The following GRM8 variants were observed in gnomAD, a reference collection of about 807,000 sequenced individuals.
The protein encoded by GRM8 is glutamate metabotropic receptor 8.
GRM8 carries 47 observed loss-of-function variants against 87.2 expected under a neutral mutation model. The ratio of observed to expected loss-of-function variants is 0.54; its 90% CI spans 0.43 to 0.69. GRM8 has a LOEUF of 0.69. Ranked by LOEUF, GRM8 falls within the 30% of genes least tolerant of loss-of-function variation. The pLI is 0.00. For missense variants in GRM8, 1,019 were observed against 1,139.2 expected, an observed-to-expected ratio of 0.89 and a Z score of 1.52; for synonymous variants, 396 against 404.5, an observed-to-expected ratio of 0.98 and a Z score of 0.25.
At chr7:126,717,421 G>C (rs939167170) in intron 7 of GRM8, among the ~76,000 whole-genome samples, 1 of 152,104 alleles carries the variant, frequency 6.6e-6, no homozygotes, top group East Asian at 1.9e-4. Flanking sequence ...GGGCTCACCA[G>C]ACACAGCCAT....
intron 6 of GRM8, among the ~76,000 whole-genome samples, chr7:126,829,727 G>T (rs1480848018): frequency 1.3e-5 from 2 of 151,782 alleles, no homozygotes; most frequent in Non-Finnish European, 2.9e-5. Context: ...TGTTATATGT[G>T]AATTTGATCC....
intron 7 of GRM8, among the ~76,000 whole-genome samples, chr7:126,702,314 G>A (rs1234479168): frequency 6.6e-6 from 1 of 151,942 alleles, no homozygotes; most frequent in Non-Finnish European, 1.5e-5. Flanking sequence ...AATGAGGGGA[G>A]GCCTTCTGGC....
intron 2 of GRM8, among the ~76,000 whole-genome samples, chr7:127,223,947 C>A: frequency 7.1e-6 from 1 of 141,078 alleles, no homozygotes; most frequent in African/African-American, 2.6e-5. Flanking sequence ...TGGATGGGTT[C>A]AATAGCAGAA....
At chr7:127,034,404 A>G (rs1817660691) in intron 3 of GRM8, among the ~76,000 whole-genome samples, 1 of 152,198 alleles carries the variant, frequency 6.6e-6, no homozygotes. Context: ...ATAAAAGCCC[A>G]TATTACAGAC....
intron 7 of GRM8, among the ~76,000 whole-genome samples, chr7:126,622,943 G>A (rs1585259821): frequency 6.6e-6 from 1 of 152,050 alleles, no homozygotes; most frequent in Admixed American, 6.6e-5. Flanking sequence ...CCAATTATCT[G>A]TATCTCCACG....
chr7:126,790,945 C>A (rs10248154), intron 6 of GRM8, among the ~76,000 whole-genome samples: 2,890 of 152,128 alleles, frequency 0.019, 96 homozygotes, highest in African/African-American at 0.066. Flanking sequence ...GTCTTTCCTG[C>A]GGGGCAGTTG....
In GRM8 at chr7:126,989,067, A is replaced by C. The variant is rs529784039; in HGVS notation, c.728-84384T>G. Among the ~76,000 whole-genome samples, 53 of 152,298 alleles carry C rather than the reference A, an allele frequency of 3.5e-4. 3 individuals are homozygous for C. In the South Asian group the frequency reaches 0.011, roughly 31 times the overall value. On this transcript the variant is annotated intron_variant, in intron 3 of 10. Transcript: ENST00000339582. The stretch of plus-strand genomic sequence containing the variant: ...ACTTCTCCCAAACATATAAAACTAT[A>C]TCCCATCTGTAAAAATTTCCAGAGG...
intron 8 of GRM8, among the ~76,000 whole-genome samples, chr7:126,597,523 C>A (rs1474931947): frequency 6.6e-6 from 1 of 151,966 alleles, no homozygotes; most frequent in East Asian, 1.9e-4. Flanking sequence ...TGTTTATAAC[C>A]TTATTTTAAC....
chr7:126,453,830 A>C (rs1802918540), intron 9 of GRM8, among the ~76,000 whole-genome samples: 1 of 151,770 alleles, frequency 6.6e-6, no homozygotes, highest in African/African-American at 2.4e-5. Flanking sequence ...AAATATAGTA[A>C]ATAAGTAAAC....
intron 7 of GRM8, among the ~76,000 whole-genome samples, chr7:126,658,700 T>A (rs989603332): frequency 6.6e-6 from 1 of 151,640 alleles, no homozygotes; most frequent in Admixed American, 6.6e-5. Context: ...GTATGTGCTC[T>A]AAGGAACTGG....
chr7:126,722,727 C>T (rs1434975810), intron 7 of GRM8, among the ~76,000 whole-genome samples: 1 of 151,600 alleles, frequency 6.6e-6, no homozygotes, highest in Non-Finnish European at 1.5e-5. Flanking sequence ...AGTCTTCTTA[C>T]GTATCACAAT....
At chr7:127,109,724 T>A (rs1171381440) in intron 2 of GRM8, among the ~76,000 whole-genome samples, 1 of 152,160 alleles carries the variant, frequency 6.6e-6, no homozygotes, top group Non-Finnish European at 1.5e-5. Flanking sequence ...TTATTTGGCA[T>A]CCCCAACACC....
chr7:127,219,233 A>G (rs1032924655), intron 2 of GRM8, among the ~76,000 whole-genome samples: 2 of 152,158 alleles, frequency 1.3e-5, no homozygotes, highest in African/African-American at 4.8e-5. Flanking sequence ...ATCTCAGCCA[A>G]GGAAGGAAGC....
At chr7:126,742,421 C>T (rs1236564346) in intron 7 of GRM8, among the ~76,000 whole-genome samples, 2 of 151,874 alleles carry the variant, frequency 1.3e-5, no homozygotes, top group Non-Finnish European at 2.9e-5. Context: ...CAACAGTATC[C>T]TATTTCCTTT....
chr7:126,744,661 C>A (rs1253975541), intron 7 of GRM8, among the ~76,000 whole-genome samples: 1 of 151,966 alleles, frequency 6.6e-6, no homozygotes, highest in Admixed American at 6.6e-5. Context: ...TGAAATTAAT[C>A]TTTATCAAAC....
At chr7:126,775,038 T>A (rs1819260996) in intron 6 of GRM8, among the ~76,000 whole-genome samples, 1 of 152,130 alleles carries the variant, frequency 6.6e-6, no homozygotes, top group Non-Finnish European at 1.5e-5. Context: ...AAATCAAACA[T>A]CCAATTGGTT....
chr7:126,585,625 C>A (rs1796033325), intron 8 of GRM8, among the ~76,000 whole-genome samples: 1 of 152,128 alleles, frequency 6.6e-6, no homozygotes, highest in Non-Finnish European at 1.5e-5. Flanking sequence ...TGAAAAAATT[C>A]AACAGCCCTT....
intron 8 of GRM8, among the ~76,000 whole-genome samples, chr7:126,606,607 T>C (rs1798376109): frequency 6.6e-6 from 1 of 152,204 alleles, no homozygotes; most frequent in Non-Finnish European, 1.5e-5. Context: ...TTTGTCCTGA[T>C]AATCCTCAGA....
chr7:126,489,920 C>A (rs2237732), intron 9 of GRM8, among the ~76,000 whole-genome samples: 3 of 151,776 alleles, frequency 2.0e-5, no homozygotes, highest in Non-Finnish European at 4.4e-5. Flanking sequence ...ATTCCTCCCC[C>A]TCCCCCACCA....
Sources: allele counts gnomAD v4.1 joint callset (sites outside exome capture counted in the v4.1 genomes callset), GRCh38; gene constraint gnomAD v4.1.1; transcripts MANE v1.5; gene names NCBI Gene and HGNC (gene_info 2026-07-23, HGNC 2026-07-21).